The following CNBD1 variants were observed in gnomAD, a reference collection of about 807,000 sequenced individuals.
CNBD1 encodes the protein cyclic nucleotide-binding domain-containing protein 1.
Under a neutral mutation model 54.4 loss-of-function variants are expected in CNBD1, and 71 were observed. The ratio of observed to expected loss-of-function variants is 1.30; its 90% CI spans 1.08 to 1.59. The LOEUF is 1.59. Among genes scored for constraint, CNBD1 ranks in the 40% most tolerant of loss-of-function variants. CNBD1 has a pLI of 0.00. For synonymous variants in CNBD1, 182 were observed against 170.7 expected (o/e 1.07, Z -0.51); for missense variants, 659 against 518.0 (o/e 1.27, Z -2.64).
At chr8:87,335,382 G>A (rs1249756205) in intron 8 of CNBD1, among the ~76,000 whole-genome samples, 1 of 152,086 alleles carries the variant, frequency 6.6e-6, no homozygotes, top group African/African-American at 2.4e-5. Context: ...ATGAATCTGG[G>A]TGCTCCTGTA....
chr8:86,916,915 G>C (rs953158256), intron 3 of CNBD1, among the ~76,000 whole-genome samples: 11 of 147,390 alleles, frequency 7.5e-5, no homozygotes, highest in African/African-American at 2.5e-4. Context: ...CTGTCACCCA[G>C]ACTGGAGTGC....
At chr8:86,922,168 A>C (rs189433311) in intron 3 of CNBD1, among the ~76,000 whole-genome samples, 1 of 152,312 alleles carries the variant, frequency 6.6e-6, no homozygotes, top group East Asian at 1.9e-4. Context: ...AATGCTGTCA[A>C]AGCCACCTTA....
At chr8:87,153,162 A>G (rs1462330357) in intron 4 of CNBD1, among the ~76,000 whole-genome samples, 2 of 152,176 alleles carry the variant, frequency 1.3e-5, no homozygotes, top group South Asian at 2.1e-4. Flanking sequence ...TAGAAAAGCT[A>G]TAGTTACCCA....
chr8:86,901,089 G>A (rs1234562482), intron 2 of CNBD1, among the ~76,000 whole-genome samples: 3 of 151,974 alleles, frequency 2.0e-5, no homozygotes, highest in African/African-American at 7.2e-5. Flanking sequence ...ACTTTGTAGT[G>A]GCCTAATGTT....
intron 8 of CNBD1, among the ~76,000 whole-genome samples, chr8:87,296,038 A>G (rs552593637): frequency 5.9e-4 from 90 of 151,914 alleles, no homozygotes; most frequent in Admixed American, 2.2e-3. Flanking sequence ...GGTGCTATTG[A>G]TTGTCTTTTT....
intron 3 of CNBD1, among the ~76,000 whole-genome samples, chr8:86,922,633 C>G (rs755329333): frequency 6.6e-6 from 1 of 152,000 alleles, no homozygotes; most frequent in Admixed American, 6.6e-5. Flanking sequence ...TGGAAAGTTA[C>G]AAGAAAGTTT....
At chr8:87,217,851 C>T (rs1814246167) in intron 5 of CNBD1, among the ~76,000 whole-genome samples, 1 of 151,910 alleles carries the variant, frequency 6.6e-6, no homozygotes, top group Admixed American at 6.6e-5. Flanking sequence ...GTGGAGAAAC[C>T]ATCTGGACTT....
intron 2 of CNBD1, among the ~76,000 whole-genome samples, chr8:87,424,332 T>C (rs1808004248): frequency 6.6e-6 from 1 of 152,140 alleles, no homozygotes; most frequent in South Asian, 2.1e-4. Flanking sequence ...TGAATGTGTT[T>C]GCTCGTGCTT....
chr8:87,020,681 T>C (rs541429272), intron 4 of CNBD1, among the ~76,000 whole-genome samples: 43 of 150,392 alleles, frequency 2.9e-4, no homozygotes, highest in Non-Finnish European at 4.9e-4. Flanking sequence ...GGAAAAAAAA[T>C]GTTTAACCCC....
intron 2 of CNBD1, among the ~76,000 whole-genome samples, chr8:86,900,677 T>TAA (rs997650122): frequency 2.0e-5 from 3 of 151,256 alleles, no homozygotes; most frequent in Admixed American, 6.6e-5. Context: ...TTTCTAAAGA[T>TAA]AAAAAAAAAT....
chr8:87,017,472 G>C (rs1809379482), intron 4 of CNBD1, among the ~76,000 whole-genome samples: 1 of 152,122 alleles, frequency 6.6e-6, no homozygotes, highest in African/African-American at 2.4e-5. Context: ...TTACTGCTTT[G>C]CTATGGAATA....
intron 2 of CNBD1, among the ~76,000 whole-genome samples, chr8:87,389,447 T>C (rs983243706): frequency 2.6e-5 from 4 of 152,152 alleles, no homozygotes; most frequent in Non-Finnish European, 4.4e-5. Flanking sequence ...AGCATTCTTA[T>C]ACACCAATAA....
intron 4 of CNBD1, among the ~76,000 whole-genome samples, chr8:87,154,953 G>A (rs1367291658): frequency 3.3e-5 from 5 of 152,142 alleles, no homozygotes; most frequent in African/African-American, 9.7e-5. Flanking sequence ...AATTTAGGAG[G>A]AGTTAAATGA....
chr8:87,265,128 T>C (rs1808223665), intron 6 of CNBD1, among the ~76,000 whole-genome samples: 1 of 152,100 alleles, frequency 6.6e-6, no homozygotes, highest in Non-Finnish European at 1.5e-5. Context: ...GTTTTTATGG[T>C]TTTAGGTCTA....
At chr8:87,338,658 T>C (rs1350482764) in intron 8 of CNBD1, among the ~76,000 whole-genome samples, 1 of 151,934 alleles carries the variant, frequency 6.6e-6, no homozygotes, top group African/African-American at 2.4e-5. Context: ...TAGTTAGATA[T>C]GTTTTGTTGT....
At chr8:86,917,560 G>A (rs1809206705) in intron 3 of CNBD1, among the ~76,000 whole-genome samples, 1 of 152,158 alleles carries the variant, frequency 6.6e-6, no homozygotes, top group South Asian at 2.1e-4. Context: ...GTTGCCAGTA[G>A]GACTGATGGG....
intron 10 of CNBD1, among the ~76,000 whole-genome samples, chr8:87,379,130 A>C: frequency 6.6e-6 from 1 of 151,680 alleles, no homozygotes; most frequent in Non-Finnish European, 1.5e-5. Context: ...TCTTTTCCTA[A>C]TTGAATACCC....
intron 6 of CNBD1, among the ~76,000 whole-genome samples, chr8:87,276,583 G>C (rs1379593211): frequency 6.6e-6 from 1 of 151,828 alleles, no homozygotes; most frequent in Non-Finnish European, 1.5e-5. Context: ...TCAATCTATT[G>C]AATGTCAGTC....
intron 4 of CNBD1, among the ~76,000 whole-genome samples, chr8:87,084,413 C>T (rs1402374995): frequency 1.3e-5 from 2 of 152,080 alleles, no homozygotes; most frequent in African/African-American, 2.4e-5. Context: ...TTATGTTTAA[C>T]CTTTGTTTCT....
Sources: allele counts gnomAD v4.1 joint callset (sites outside exome capture counted in the v4.1 genomes callset), GRCh38; gene constraint gnomAD v4.1.1; transcripts MANE v1.5; gene names NCBI Gene and HGNC (gene_info 2026-07-23, HGNC 2026-07-21).